UNC79: variants seen among roughly 807,000 people sequenced by gnomAD.
The protein encoded by UNC79 is unc-79 subunit of NALCN channel complex, also known as protein unc-79 homolog.
UNC79 carries 37 observed loss-of-function variants against 283.1 expected under a neutral mutation model. The observed-to-expected ratio is 0.13, with a 90% CI of 0.10 to 0.17. UNC79 has a LOEUF of 0.17. UNC79 is among the 10% of genes least tolerant of loss of function. UNC79 has a pLI of 1.00. For synonymous variants in UNC79, 1,107 were observed against 1,200.2 expected, an observed-to-expected ratio of 0.92 and a Z score of 1.61; for missense variants, 2,272 against 3,211.1, an observed-to-expected ratio of 0.71 and a Z score of 7.07.
chr14:93,392,604 A>G (rs1247182091), intron 1 of UNC79, among the ~76,000 whole-genome samples: 3 of 152,192 alleles, frequency 2.0e-5, no homozygotes, highest in Admixed American at 2.0e-4. Context: ...CAAACAAGCT[A>G]AAGAAGTGTT....
intron 7 of UNC79, among the ~76,000 whole-genome samples, chr14:93,508,349 T>C (rs146644010): frequency 5.9e-5 from 9 of 152,268 alleles, no homozygotes; most frequent in Non-Finnish European, 1.0e-4. Flanking sequence ...TGAGACCCTA[T>C]CCCTGTTTAT....
intron 31 of UNC79, among the ~76,000 whole-genome samples, chr14:93,635,886 A>G (rs549047710): frequency 7.2e-5 from 11 of 152,362 alleles, no homozygotes; most frequent in African/African-American, 2.4e-4. Context: ...CTTTCTGCCT[A>G]CACCAAAGAG....
chr14:93,584,725 C>T (rs1282868394), intron 20 of UNC79, among the ~76,000 whole-genome samples: 1 of 152,090 alleles, frequency 6.6e-6, no homozygotes, highest in Non-Finnish European at 1.5e-5. Context: ...GAGACAGGGT[C>T]TTACTGTGTT....
At chr14:93,589,646 A>G (rs762449471) in intron 22 of UNC79, among the ~76,000 whole-genome samples, 26 of 152,092 alleles carry the variant, frequency 1.7e-4, no homozygotes, top group Non-Finnish European at 3.2e-4. Flanking sequence ...CTGTGCATCA[A>G]TGTCATGGGT....
At chr14:93,551,753 T>C (rs1424013965) in intron 14 of UNC79, among the ~76,000 whole-genome samples, 1 of 152,184 alleles carries the variant, frequency 6.6e-6, no homozygotes, top group Admixed American at 6.5e-5. Flanking sequence ...GAAAGAATGC[T>C]CTAGTGGGTG....
At chr14:93,447,057 AC>A in intron 1 of UNC79, among the ~76,000 whole-genome samples, 1 of 152,126 alleles carries the variant, frequency 6.6e-6, no homozygotes, top group Non-Finnish European at 1.5e-5. Context: ...AAGCTCTGTT[AC>A]TGGGTTCATA....
chr14:93,633,767 T>A (rs2068250182), intron 31 of UNC79, among the ~76,000 whole-genome samples: 1 of 152,208 alleles, frequency 6.6e-6, no homozygotes. Context: ...TGCTAATAAC[T>A]TGACATTTCA....
intron 43 of UNC79, among the ~76,000 whole-genome samples, chr14:93,687,986 A>T (rs967232154): frequency 5.3e-5 from 8 of 152,286 alleles, no homozygotes; most frequent in Admixed American, 3.3e-4. Flanking sequence ...ACTAGCTAGG[A>T]CAGACCTGGG....
At chr14:93,689,492 T>TC (rs1032883809) in intron 44 of UNC79, 3 of 145,040 alleles carry the variant, frequency 2.1e-5, no homozygotes, top group African/African-American at 8.3e-5. Context: ...AATTTCTTTT[T>TC]TTTTTTTTTT....
Position 93,493,823 on chromosome 14 carries a change from G to A in UNC79, c.713-2588G>A, listed in dbSNP as rs2058854931. 2.7e-5 allele frequency among the ~76,000 whole-genome samples: 4 copies of A among 147,390 alleles called. No individual in the cohort carries two copies. In the Admixed American group the frequency reaches 2.7e-4, roughly 10 times the overall value. ...AATCATGGTAGAAGGCAAAGGGGAA[G>A]CACGTCTTACATGGCTGGAGCAGGA... is the stretch of plus-strand genomic sequence containing the variant. On this transcript the variant is annotated intron_variant, in intron 5 of 48. Coordinates refer to ENST00000555664, the Ensembl canonical transcript of UNC79.
intron 1 of UNC79, among the ~76,000 whole-genome samples, chr14:93,360,605 C>G (rs139002899): frequency 6.6e-6 from 1 of 152,324 alleles, no homozygotes; most frequent in East Asian, 1.9e-4. Flanking sequence ...CCTTCACTAC[C>G]TCAGGGGTAT....
chr14:93,464,054 C>A (rs2057061370), intron 1 of UNC79, among the ~76,000 whole-genome samples: 2 of 152,178 alleles, frequency 1.3e-5, no homozygotes, highest in South Asian at 4.2e-4. Flanking sequence ...GAGGCTGAGG[C>A]AGGAGAATGG....
intron 19 of UNC79, among the ~76,000 whole-genome samples, chr14:93,581,359 G>A (rs1414894923): frequency 6.6e-6 from 1 of 151,120 alleles, no homozygotes; most frequent in African/African-American, 2.4e-5. Context: ...TTCTTTTAGA[G>A]ATGAGGTCTC....
At chr14:93,691,910 A>G (rs1464968048) in exon 46 of UNC79, 1 of 1,614,160 alleles carries the variant, frequency 6.2e-7, no homozygotes, top group East Asian at 2.2e-5. Flanking sequence ...GTAGGGTGAC[A>G]CCCAGCATCC....
chr14:93,361,434 C>T (rs985475583), intron 1 of UNC79, among the ~76,000 whole-genome samples: 3 of 150,920 alleles, frequency 2.0e-5, no homozygotes, highest in African/African-American at 7.3e-5. Flanking sequence ...TTGCTTGAGC[C>T]CAGGACATTA....
chr14:93,692,165 T>A (rs113342847), intron 46 of UNC79, among the ~76,000 whole-genome samples: 2,212 of 152,344 alleles, frequency 0.015, 44 homozygotes, highest in African/African-American at 0.047. Context: ...AGAGATCTAT[T>A]GTACGCCGTG....
intron 4 of UNC79, among the ~76,000 whole-genome samples, chr14:93,482,801 G>T (rs1186619768): frequency 3.9e-5 from 6 of 152,038 alleles, no homozygotes; most frequent in Non-Finnish European, 1.5e-5. Context: ...CCTACCTTCT[G>T]CTCTCCATCA....
chr14:93,440,108 A>C (rs1157695787), intron 1 of UNC79, among the ~76,000 whole-genome samples: 2 of 152,052 alleles, frequency 1.3e-5, no homozygotes, highest in African/African-American at 2.4e-5. Context: ...ATAGGATGAT[A>C]TTTTATTCGG....
chr14:93,442,703 C>T (rs1002758353), intron 1 of UNC79, among the ~76,000 whole-genome samples: 5 of 152,058 alleles, frequency 3.3e-5, no homozygotes, highest in African/African-American at 1.2e-4. Flanking sequence ...GAAATAGTGA[C>T]AAATAATAAA....
Sources: gnomAD v4.1 joint callset for allele counts (sites outside exome capture counted in the v4.1 genomes callset) on GRCh38, gnomAD v4.1.1 for gene constraint, MANE v1.5 for transcripts, NCBI Gene and HGNC (gene_info 2026-07-23, HGNC 2026-07-21) for gene names.